Variants in IPO9 observed in about 807,000 individuals in gnomAD.
The protein encoded by IPO9 is importin-9.
In IPO9, 28 loss-of-function variants were observed where a neutral mutation model predicts 128.6. The ratio of observed to expected loss-of-function variants is 0.22; its 90% CI spans 0.16 to 0.30. IPO9 has a LOEUF of 0.30. IPO9 is among the 10% of genes least tolerant of loss of function. The pLI, the probability that IPO9 is intolerant of heterozygous loss-of-function variation, is 1.00. For synonymous variants in IPO9, 455 were observed against 475.8 expected, an observed-to-expected ratio of 0.96 and a Z score of 0.57; for missense variants, 935 against 1,293.9, an observed-to-expected ratio of 0.72 and a Z score of 4.26.
intron 2 of IPO9, 79 bp downstream of exon 2, chr1:201,847,419 G>A (rs1680141313): frequency 1.4e-6 from 2 of 1,421,760 alleles, no homozygotes; most frequent in African/African-American, 1.4e-5. Context: ...AGAAAAATAA[G>A]GCCAGTGTAT....
At position 201,870,962 on chromosome 1, in the gene IPO9, T is replaced by C; in HGVS notation, c.2409+104T>C. The C allele has an allele frequency of 7.2e-7, 1 of 1,397,908 alleles. No individual in the cohort carries two copies. Among genetic ancestry groups the C allele is most frequent in the African/African-American group, 1.4e-5 (1 of 69,874 alleles). 86.6% of individuals were successfully genotyped at this position (1,397,908 alleles called of 1,614,324 possible). A position where few individuals can be genotyped will look rare whatever the true frequency, so the allele number is the denominator to read the frequency against. ...TTATTTTACCCTCTTACTAGCCTTG[T>C]AGGACAGTTAAGTAAAATGGGACCT... On this transcript the variant is annotated intron_variant, in intron 18 of 23. Transcript: ENST00000361565. This position sits in a 1 kb window ranked among gnomAD's most constrained non-coding sequence, Gnocchi z 4.9.
chr1:201,871,429 C>G lies in IPO9; in HGVS notation c.2576+102C>G, dbSNP rs549026246. The G allele has an allele frequency of 2.4e-4, 227 of 938,906 alleles. 2 individuals are homozygous for G. In the African/African-American group the frequency reaches 4.0e-3, roughly 17 times the overall value. 58.2% of individuals were successfully genotyped at this position (938,906 alleles called of 1,614,324 possible). A position where few individuals can be genotyped will look rare whatever the true frequency, so the allele number is the denominator to read the frequency against. On this transcript the variant is annotated intron_variant, in intron 19 of 23. Coordinates refer to ENST00000361565, the MANE Select transcript of IPO9 (RefSeq NM_018085.5). ...TTTGAGACAGTCTCGCTCTGTCGCCCAGGCTGGAGTGCAGTGGCACAATCT... is the reference window on the plus strand; with the variant it reads ...TTTGAGACAGTCTCGCTCTGTCGCCGAGGCTGGAGTGCAGTGGCACAATCT...
chr1:201,847,360 AT>A lies in IPO9; in HGVS notation c.225+23del. 1 of 1,602,968 alleles carries A rather than the reference AT, an allele frequency of 6.2e-7. No homozygotes were observed. Among genetic ancestry groups the A allele is most frequent in the Non-Finnish European group, 8.5e-7 (1 of 1,171,870 alleles). On this transcript the variant is annotated intron_variant, in intron 2 of 23. Transcript: ENST00000361565. ...CGTCAGGTAAGTCCAGACTGGCCCA[AT>A]TTATAAATAGTTTCCCTTTCCTTGG...
chr1:201,844,145 A>G (rs1011529328), intron 1 of IPO9, among the ~76,000 whole-genome samples: 3 of 152,202 alleles, frequency 2.0e-5, no homozygotes, highest in Admixed American at 6.5e-5. Context: ...TGGATCAGTT[A>G]CAAAGGGAAA....
At chr1:201,854,945 A>G (rs930575575) in intron 8 of IPO9, 22 bp downstream of exon 8, 1 of 1,561,174 alleles carries the variant, frequency 6.4e-7, no homozygotes. Flanking sequence ...TGAAAGTTTA[A>G]GGGAGCTACT....
Position 201,863,466 on chromosome 1 carries a change from G to A in IPO9, c.1487G>A (p.Gly496Asp). ...CTCCCAGTGTCTCCTTTCCTCTTGG[G>A]CCGGGCACTTTGGGCTGCCAGTCGG... is the stretch of plus-strand genomic sequence containing the variant. Reference protein sequence around the residue: ...LNLSVSPFLLGRALWAASRFT... With the variant: ...LNLSVSPFLLDRALWAASRFT... The change falls in exon 14 of 24, where the codon GGC becomes GAC. Residue 496 changes from glycine (G) to aspartate (D), a missense_variant. By Grantham distance (94) the Gly-to-Asp change is moderately conservative (BLOSUM62 -1). Coordinates refer to ENST00000361565, the MANE Select transcript of IPO9 (RefSeq NM_018085.5). 6.3e-7 allele frequency: 1 copy of A among 1,579,082 alleles called. No individual in the cohort carries two copies. Among genetic ancestry groups the A allele is most frequent in the Non-Finnish European group, 8.7e-7 (1 of 1,152,894 alleles).
intron 21 of IPO9, 134 bp downstream of exon 21, chr1:201,874,506 C>A: frequency 1.0e-6 from 1 of 982,506 alleles, no homozygotes; most frequent in Non-Finnish European, 1.5e-6. Flanking sequence ...GTGGCTGGCA[C>A]CATGCTAGGC....
At chr1:201,840,800 CTT>C (rs1271582937) in intron 1 of IPO9, among the ~76,000 whole-genome samples, 1 of 151,940 alleles carries the variant, frequency 6.6e-6, no homozygotes, top group East Asian at 1.9e-4. Flanking sequence ...GTAATATACT[CTT>C]TTTCATGTAA....
intron 21 of IPO9, 47 bp from the exon 22 acceptor site, chr1:201,874,785 A>G (rs1180547115): frequency 2.3e-6 from 3 of 1,332,368 alleles, no homozygotes. Flanking sequence ...GGGGAGGGAA[A>G]ATGCATGAAT....
intron 14 of IPO9, among the ~76,000 whole-genome samples, chr1:201,865,954 T>A (rs1454706771): frequency 6.6e-6 from 1 of 152,224 alleles, no homozygotes; most frequent in Non-Finnish European, 1.5e-5. Flanking sequence ...AACTTGAAAC[T>A]GTACCGTATG....
chr1:201,833,689 G>C (rs1422009070), intron 1 of IPO9, among the ~76,000 whole-genome samples: 6 of 152,196 alleles, frequency 3.9e-5, no homozygotes, highest in Non-Finnish European at 7.3e-5. Flanking sequence ...TCATCAGATA[G>C]CACTCCCATC....
intron 6 of IPO9, among the ~76,000 whole-genome samples, chr1:201,853,721 A>G (rs1334840754): frequency 1.3e-5 from 2 of 151,866 alleles, no homozygotes; most frequent in South Asian, 2.1e-4. Context: ...TGGCTAATGA[A>G]TGAATGAGTG....
intron 1 of IPO9, 68 bp from the exon 2 acceptor site, chr1:201,847,211 G>A (rs1680137889): frequency 1.8e-6 from 2 of 1,136,134 alleles, no homozygotes; most frequent in Non-Finnish European, 2.7e-6. Flanking sequence ...TGGCATCAGG[G>A]TTAGAGCTTA....
At chr1:201,847,852 G>C (rs1399113700) in intron 3 of IPO9, among the ~76,000 whole-genome samples, 1 of 152,208 alleles carries the variant, frequency 6.6e-6, no homozygotes, top group African/African-American at 2.4e-5. Context: ...TACAAGCTAT[G>C]AGATCATTGG....
Position 201,836,969 on chromosome 1 carries a change from G to C in IPO9, c.163+7597G>C, listed in dbSNP as rs186142200. 3.3e-5 allele frequency among the ~76,000 whole-genome samples: 5 copies of C among 152,268 alleles called. No individual in the cohort carries two copies. In the East Asian group the frequency reaches 9.6e-4, roughly 29 times the overall value. On this transcript the variant is annotated intron_variant, in intron 1 of 23. Transcript: ENST00000361565. The stretch of plus-strand genomic sequence containing the variant: ...TCTTTGCCATTATATATCTGCTTTT[G>C]AGCAAATATATGTTACTTGAACTTT...
At chr1:201,860,133 C>T (rs117210512) in intron 13 of IPO9, among the ~76,000 whole-genome samples, 2 of 152,332 alleles carry the variant, frequency 1.3e-5, no homozygotes, top group East Asian at 3.9e-4. Flanking sequence ...TTTGCTTTCT[C>T]TCTCAGTACT....
chr1:201,883,957 T>C lies in IPO9; in HGVS notation c.*7903T>C, dbSNP rs1680936411. On this transcript the variant is annotated 3_prime_UTR_variant, in exon 24 of 24. Coordinates refer to ENST00000361565, the MANE Select transcript of IPO9 (RefSeq NM_018085.5). ...GAGAGACACAATGGATCAGAGTGTC[T>C]CTGCCAGTTCTAACTTGGGGATTCT... 1 of 152,252 alleles carries C rather than the reference T, an allele frequency of 6.6e-6. No individual in the cohort carries two copies. Among genetic ancestry groups the C allele is most frequent in the South Asian group, 2.1e-4 (1 of 4,836 alleles). The allele number at this position is 152,252 out of a possible 1,614,324, so 9.4% of individuals were successfully genotyped here. A position where few individuals can be genotyped will look rare whatever the true frequency, so the allele number is the denominator to read the frequency against.
At chr1:201,859,208 A>ATATATATATATATAT (rs1553290975) in intron 13 of IPO9, among the ~76,000 whole-genome samples, 1 of 74,402 alleles carries the variant, frequency 1.3e-5, no homozygotes, top group East Asian at 2.9e-4. Context: ...TATATATATA[A>ATATATATATATATAT]AGGAAACTCT....
rs1465400653 is a variant in IPO9 at position 201,876,408 on chromosome 1, G to C, written c.*354G>C. ...TATGGATTATTTTGCCCCGCCTCAG[G>C]AGCGCAGGAAGTCACTACCATTTAT... On this transcript the variant is annotated 3_prime_UTR_variant, in exon 24 of 24. Transcript: ENST00000361565. The C allele has an allele frequency of 2.6e-6, 1 of 389,428 alleles. No homozygotes were observed. The highest frequency in any genetic ancestry group is 4.9e-6 in the Non-Finnish European group (1 of 202,884). 24.1% of individuals were successfully genotyped at this position (389,428 alleles called of 1,614,324 possible).
Sources: gnomAD v4.1 joint callset for allele counts (sites outside exome capture counted in the v4.1 genomes callset) on GRCh38, gnomAD v4.1.1 for gene constraint, Gnocchi (gnomAD v3.1) non-coding constraint, MANE v1.5 for transcripts, NCBI Gene and HGNC (gene_info 2026-07-23, HGNC 2026-07-21) for gene names.